Variants in RCOR2 observed in about 807,000 individuals in gnomAD.
The protein encoded by RCOR2 is REST corepressor 2.
Under a neutral mutation model 58.9 loss-of-function variants are expected in RCOR2, and 19 were observed. The observed-to-expected ratio is 0.32, with a 90% CI of 0.23 to 0.47. RCOR2 has a LOEUF of 0.47. RCOR2 is among the 20% of genes least tolerant of loss of function. The pLI is 1.00. For synonymous variants in RCOR2, 286 were observed against 278.7 expected, an observed-to-expected ratio of 1.03 and a Z score of -0.26; for missense variants, 590 against 707.9, an observed-to-expected ratio of 0.83 and a Z score of 1.89.
At chr11:63,919,159 T>G (rs1173266966), upstream of RCOR2, among the ~76,000 whole-genome samples, 1 of 151,768 alleles carries the variant, frequency 6.6e-6, no homozygotes, top group Non-Finnish European at 1.5e-5. Context: ...ACACAGGAAG[T>G]GTGTCCTAGG....
Position 63,912,891 on chromosome 11 carries a change from A to G in RCOR2, c.948T>C (p.Ile316=), listed in dbSNP as rs769152453. ...ATACCTCCGGGGGGCGTAGTGGATC[A>G]ATACCGCCCTCCAGGGCTTGGCGCA... ...SSLRQALEGG[I]DPLRPPEANT... The change falls in exon 9 of 12, where the codon ATT becomes ATC. Residue 316 remains isoleucine, a synonymous_variant. Transcript: ENST00000301459. 93 of 1,613,660 alleles carry G rather than the reference A, an allele frequency of 5.8e-5. No individual in the cohort carries two copies. Among genetic ancestry groups the G allele is most frequent in the Non-Finnish European group, 7.6e-5 (90 of 1,179,908 alleles).
chr11:63,927,082 C>G, the RCOR2 span, among the ~76,000 whole-genome samples: 1 of 152,140 alleles, frequency 6.6e-6, no homozygotes, highest in South Asian at 2.1e-4. Context: ...CTCACGTGAT[C>G]CACCCACCTT....
Position 63,911,932 on chromosome 11 carries a change from C to T in RCOR2, c.1505G>A (p.Arg502His), listed in dbSNP as rs1460282317. 49 of 456,194 alleles carry T rather than the reference C, an allele frequency of 1.1e-4. No individual in the cohort carries two copies. The highest frequency in any genetic ancestry group is 1.5e-4 in the Non-Finnish European group (45 of 303,504). 28.3% of individuals were successfully genotyped at this position (456,194 alleles called of 1,614,324 possible). ...GGTGGGTGGGGGCTGAGGGCCAGGG[C>T]GGGCGCTGTGGCGGGGGGCAGCCAG... Reference protein sequence around the residue: ...PALAAPRHSARPGPQPPPTLI... With the variant: ...PALAAPRHSAHPGPQPPPTLI... Residue 502 changes from arginine to histidine, a missense_variant, in exon 12 of 12, where the codon CGC becomes CAC. By Grantham distance (29) the Arg-to-His change is conservative. Coordinates refer to ENST00000301459, the MANE Select transcript of RCOR2 (RefSeq NM_173587.4).
At chr11:63,921,801 T>G (rs569949734), upstream of RCOR2, among the ~76,000 whole-genome samples, 19 of 152,332 alleles carry the variant, frequency 1.2e-4, no homozygotes, top group South Asian at 1.7e-3. Context: ...GTGGACCAGT[T>G]CGGGCCAGCC....
intron 6 of RCOR2, 26 bp from the exon 7 acceptor site, chr11:63,914,356 A>C: frequency 6.2e-7 from 1 of 1,613,114 alleles, no homozygotes; most frequent in Non-Finnish European, 8.5e-7. Flanking sequence ...CCAGGGAGGG[A>C]ATGAGGCAGC....
Position 63,914,052 on chromosome 11 carries a change from G to A in RCOR2, c.793C>T (p.Leu265=). The A allele has an allele frequency of 6.2e-7, 1 of 1,613,872 alleles. No homozygotes were observed. The highest frequency in any genetic ancestry group is 8.5e-7 in the Non-Finnish European group (1 of 1,179,984). The change falls in exon 8 of 12, where the codon CTG becomes TTG. Residue 265 remains leucine (L), a synonymous_variant. Coordinates refer to ENST00000301459, the MANE Select transcript of RCOR2 (RefSeq NM_173587.4). ...TRRRPPKGMY[L]SPEGLTAVSG... is the part of the protein sequence containing the mutation. ...ACTGCCGTGAGGCCTTCAGGGCTCA[G>A]GTACATGCCCTTGGGTGGGCGACGC...
At chr11:63,926,787 TTTTTG>T in the RCOR2 span, among the ~76,000 whole-genome samples, 1 of 147,428 alleles carries the variant, frequency 6.8e-6, no homozygotes, top group African/African-American at 2.6e-5. Context: ...CTGTTTTTTT[TTTTTG>T]TTTTGTTTTT....
chr11:63,917,506 G>A (rs1209285504), upstream of RCOR2, among the ~76,000 whole-genome samples: 2 of 152,110 alleles, frequency 1.3e-5, no homozygotes, highest in South Asian at 2.1e-4. Context: ...CCCTGGGGCC[G>A]CCTGCCCGCC....
At chr11:63,915,517 C>A in intron 2 of RCOR2, 38 bp downstream of exon 2, 1 of 1,544,084 alleles carries the variant, frequency 6.5e-7, no homozygotes, top group Non-Finnish European at 8.8e-7. Context: ...CCCGGGCCTC[C>A]ACCCCCACCC....
rs571682258 is a variant in RCOR2 at position 63,911,551 on chromosome 11, G to A, written c.*314C>T. On this transcript the variant is annotated 3_prime_UTR_variant, in exon 12 of 12. Transcript: ENST00000301459. Reference sequence around the variant, plus strand: ...CACTCCACGCTAAGGTCACTACCCCGGACACACAAAGGGCAGGACCCAGAG... The same window carrying A: ...CACTCCACGCTAAGGTCACTACCCCAGACACACAAAGGGCAGGACCCAGAG... The A allele has an allele frequency of 2.3e-5, 6 of 255,614 alleles. No individual in the cohort carries two copies. Among genetic ancestry groups the A allele is most frequent in the Middle Eastern group, 1.1e-3 (1 of 876 alleles). The allele number at this position is 255,614 out of a possible 1,614,324, so 15.8% of individuals were successfully genotyped here.
intron 8 of RCOR2, 103 bp from the exon 9 acceptor site, chr11:63,913,050 C>A: frequency 2.1e-6 from 2 of 958,990 alleles, no homozygotes; most frequent in Non-Finnish European, 1.6e-6. Context: ...CACCACTGCC[C>A]CGGCAAAGCT....
intron 1 of RCOR2, 33 bp from the exon 2 acceptor site, chr11:63,915,644 A>G (rs1941845998): frequency 3.9e-5 from 2 of 50,884 alleles, no homozygotes; most frequent in Non-Finnish European, 4.9e-5. Context: ...TCAGGACTCC[A>G]GGGAGGGCGG....
At chr11:63,922,565 C>T in the RCOR2 span, among the ~76,000 whole-genome samples, 28 of 152,256 alleles carry the variant, frequency 1.8e-4, no homozygotes, top group African/African-American at 1.9e-4. Context: ...TTTGGCCAGG[C>T]GGGTCTGGAA....
chr11:63,914,328 T>C lies in RCOR2; in HGVS notation c.608A>G (p.Asp203Gly). 1 of 1,613,546 alleles carries C rather than the reference T, an allele frequency of 6.2e-7. No individual in the cohort carries two copies. Among genetic ancestry groups the C allele is most frequent in the Non-Finnish European group, 8.5e-7 (1 of 1,180,006 alleles). ...GCCTCCTCGACCCTCTTCGAGCTCA[T>C]CACTGCTGACACAGGGGCCAGGGAG... ...LGGRKDKEDS[D>G]ELEEGRGGVS... The change falls in exon 7 of 12, where the codon GAT becomes GGT. Residue 203 changes from aspartate to glycine, a missense_variant and splice_region_variant. Physicochemically the swap from Asp to Gly is moderately conservative, Grantham distance 94. Around this residue, in one of 3 missense-constraint regions of RCOR2, gnomAD observed 390 missense variants for 478.7 expected, o/e 0.81. Coordinates refer to ENST00000301459, the MANE Select transcript of RCOR2 (RefSeq NM_173587.4).
In RCOR2 at chr11:63,912,043, C is replaced by T. The variant is rs1941770680; in HGVS notation, c.1394G>A (p.Arg465Gln). The change falls in exon 12 of 12, where the codon CGA becomes CAA. Residue 465 changes from arginine (R) to glutamine (Q), a missense_variant. By Grantham distance (43) the Arg-to-Gln change is conservative. Transcript: ENST00000301459. ...GCCCTGCTGCAGTGGGGGTGGCTGT[C>T]GGAGCAGAGTGGGAGCCGTGGGCAA... is the stretch of plus-strand genomic sequence containing the variant. ...PPLPTAPTLL[R>Q]QPPPLQQGRF... The T allele has an allele frequency of 2.3e-6, 3 of 1,321,564 alleles. No individual in the cohort carries two copies. The highest frequency in any genetic ancestry group is 1.7e-5 in the African/African-American group (1 of 59,052). The allele number at this position is 1,321,564 out of a possible 1,614,324, so 81.9% of individuals were successfully genotyped here.
intron 1 of RCOR2, 66 bp from the exon 2 acceptor site, chr11:63,915,677 C>T (rs1009189882): frequency 6.4e-6 from 3 of 470,336 alleles, no homozygotes; most frequent in Admixed American, 3.3e-5. Context: ...ATGTGGCGGG[C>T]GGGGGAGGTG....
chr11:63,911,977 G>T lies in RCOR2; in HGVS notation c.1460C>A (p.Pro487Gln), dbSNP rs565254520. 18 of 1,329,898 alleles carry T rather than the reference G, an allele frequency of 1.4e-5. No individual in the cohort carries two copies. The highest frequency in any genetic ancestry group is 1.7e-5 in the Non-Finnish European group (17 of 1,001,742). 82.4% of individuals were successfully genotyped at this position (1,329,898 alleles called of 1,614,324 possible). A position where few individuals can be genotyped will look rare whatever the true frequency, so the allele number is the denominator to read the frequency against. Reference sequence around the variant, plus strand: ...AGCCAGAGCGGGGCGGATGAGAGGCGGTGGGGGCTGGTTGGGGGCCAGCCG... The same window carrying T: ...AGCCAGAGCGGGGCGGATGAGAGGCTGTGGGGGCTGGTTGGGGGCCAGCCG... Reference protein sequence around the residue: ...QPRLAPNQPPPPLIRPALAAP... With the variant: ...QPRLAPNQPPQPLIRPALAAP... Residue 487 changes from proline to glutamine, a missense_variant, in exon 12 of 12, where the codon CCG (proline) becomes CAG (glutamine). Pro to Gln is a moderately conservative substitution (Grantham distance 76). This residue lies in a region of RCOR2 where 196 missense variants were observed against 210.7 expected (regional missense o/e 0.93). Coordinates refer to ENST00000301459, the MANE Select transcript of RCOR2 (RefSeq NM_173587.4).
chr11:63,914,370 C>T (rs1941826705), intron 6 of RCOR2, 40 bp from the exon 7 acceptor site: 1 of 1,613,294 alleles, frequency 6.2e-7, no homozygotes, highest in African/African-American at 1.3e-5. Context: ...AGGCAGCTGC[C>T]AGGAGCTCTA....
At chr11:63,916,222 G>A in intron 1 of RCOR2, 108 bp downstream of exon 1, 2 of 1,003,580 alleles carry the variant, frequency 2.0e-6, no homozygotes, top group Non-Finnish European at 2.9e-6. Context: ...TCCAGGAGAG[G>A]CAGGAGCCAT....
Sources: gnomAD v4.1 joint callset for allele counts (sites outside exome capture counted in the v4.1 genomes callset) on GRCh38, gnomAD v4.1.1 for gene constraint, gnomAD v4.1.1 regional missense constraint, MANE v1.5 for transcripts, NCBI Gene and HGNC (gene_info 2026-07-23, HGNC 2026-07-21) for gene names.